TBC1D23: variants seen among roughly 807,000 people sequenced by gnomAD.
The protein encoded by TBC1D23 is TBC1 domain family member 23.
In TBC1D23, 55 loss-of-function variants were observed where a neutral mutation model predicts 91.4. The ratio of observed to expected loss-of-function variants is 0.60; its 90% confidence interval spans 0.48 to 0.75. The LOEUF (loss-of-function observed/expected upper bound fraction) is 0.75, where lower values mean the gene tolerates loss of function less well. TBC1D23 is among the 30% of genes least tolerant of loss of function. The pLI, the probability that TBC1D23 is intolerant of heterozygous loss-of-function variation, is 0.00. For synonymous variants in TBC1D23, 289 were observed against 281.0 expected (o/e 1.03, Z -0.28); for missense variants, 725 against 836.1 (o/e 0.87, Z 1.64).
intron 12 of TBC1D23, among the ~76,000 whole-genome samples, chr3:100,306,079 G>A (rs1705512104): frequency 6.6e-6 from 1 of 152,148 alleles, no homozygotes; most frequent in Admixed American, 6.5e-5. Flanking sequence ...TATAACAAAA[G>A]TCACAATCGG....
At chr3:100,289,143 G>T (rs2067768208) in intron 4 of TBC1D23, among the ~76,000 whole-genome samples, 1 of 151,742 alleles carries the variant, frequency 6.6e-6, no homozygotes, top group Non-Finnish European at 1.5e-5. Flanking sequence ...AGCCCAGGAC[G>T]CAAAGAGGTT....
chr3:100,296,285 CAGAAA>C lies in TBC1D23; in HGVS notation c.876+11_876+15del. On this transcript the variant is annotated intron_variant, in intron 8 of 18. Transcript: ENST00000394144. Reference sequence around the variant, plus strand: ...GGCTTCTTTTAGGAAGGTATAAGACCAGAAATGACCAACTATGTTGTATTTCATAT... The same window carrying C: ...GGCTTCTTTTAGGAAGGTATAAGACCTGACCAACTATGTTGTATTTCATAT... 1 of 1,400,008 alleles carries C rather than the reference CAGAAA, an allele frequency of 7.1e-7. No homozygotes were observed. Among genetic ancestry groups the C allele is most frequent in the Non-Finnish European group, 1.0e-6 (1 of 1,002,596 alleles). The allele number at this position is 1,400,008 out of a possible 1,614,324, so 86.7% of individuals were successfully genotyped here.
rs1009242634 is a variant in TBC1D23, at chr3:100,267,112, A to G, written c.53+6041A>G. 7 of 316,216 alleles carry G rather than the reference A, an allele frequency of 2.2e-5. No homozygotes were observed. The Admixed American group carries it at 3.0e-4, about 14-fold the overall frequency. The allele number at this position is 316,216 out of a possible 1,614,324, so 19.6% of individuals were successfully genotyped here. The stretch of plus-strand genomic sequence containing the variant: ...ATTTTATCTCTAGGAATACTGTGTG[A>G]AAATAGCTTCTGAAGATATCTAAAT... On this transcript the variant is annotated intron_variant, in intron 1 of 18. Coordinates refer to ENST00000394144, the MANE Select transcript of TBC1D23 (RefSeq NM_001199198.3).
chr3:100,315,800 G>A (rs58283662), intron 15 of TBC1D23: 4 of 344,868 alleles, frequency 1.2e-5, no homozygotes, highest in African/African-American at 4.1e-5. Context: ...CTTCCGCAAG[G>A]CCAAACAGAT....
intron 4 of TBC1D23, among the ~76,000 whole-genome samples, chr3:100,286,921 T>C (rs996652659): frequency 6.6e-6 from 1 of 152,084 alleles, no homozygotes; most frequent in Non-Finnish European, 1.5e-5. Context: ...ATTCAAGCGA[T>C]TCTCCTGCTT....
At chr3:100,272,002 A>G (rs2067603650) in intron 1 of TBC1D23, among the ~76,000 whole-genome samples, 1 of 152,210 alleles carries the variant, frequency 6.6e-6, no homozygotes, top group Non-Finnish European at 1.5e-5. Flanking sequence ...TAACGAATCC[A>G]TGCCACCCTT....
At chr3:100,317,066 A>G (rs1244710554) in intron 16 of TBC1D23, among the ~76,000 whole-genome samples, 6 of 150,376 alleles carry the variant, frequency 4.0e-5, no homozygotes, top group Non-Finnish European at 8.9e-5. Context: ...TAGGTGACAC[A>G]GCAAGACTCT....
chr3:100,318,661 T>TC (rs1705797682), intron 16 of TBC1D23, among the ~76,000 whole-genome samples: 1 of 151,288 alleles, frequency 6.6e-6, no homozygotes, highest in African/African-American at 2.4e-5. Flanking sequence ...TTTTTTTTTT[T>TC]CTTTTTTTTG....
intron 1 of TBC1D23, among the ~76,000 whole-genome samples, chr3:100,274,070 G>C (rs774723411): frequency 3.3e-5 from 5 of 151,926 alleles, no homozygotes; most frequent in Admixed American, 6.6e-5. Flanking sequence ...ATGGAATTGT[G>C]GTTGGTTTTT....
At chr3:100,308,352 G>C (rs1213862376) in intron 13 of TBC1D23, among the ~76,000 whole-genome samples, 1 of 152,082 alleles carries the variant, frequency 6.6e-6, no homozygotes, top group Non-Finnish European at 1.5e-5. Context: ...GCAGGCGCCT[G>C]TAGTCCCAGC....
At chr3:100,281,517 T>G (rs897078533) in intron 2 of TBC1D23, among the ~76,000 whole-genome samples, 3 of 152,246 alleles carry the variant, frequency 2.0e-5, no homozygotes, top group Admixed American at 6.5e-5. Context: ...TTGGGTAATT[T>G]ATTGTATTCA....
intron 1 of TBC1D23, among the ~76,000 whole-genome samples, chr3:100,278,778 A>G (rs1298882287): frequency 6.6e-6 from 1 of 152,234 alleles, no homozygotes; most frequent in African/African-American, 2.4e-5. Flanking sequence ...ATACAAATGA[A>G]ATTAAATTCA....
intron 13 of TBC1D23, 52 bp downstream of exon 13, chr3:100,306,595 G>A (rs1253410360): frequency 9.3e-7 from 1 of 1,078,422 alleles, no homozygotes; most frequent in Non-Finnish European, 1.4e-6. Context: ...TCCCAGAAAA[G>A]GTGATTAACT....
intron 16 of TBC1D23, among the ~76,000 whole-genome samples, chr3:100,318,646 CTT>C (rs1221401600): frequency 1.5e-5 from 2 of 137,888 alleles, no homozygotes; most frequent in Admixed American, 7.3e-5. Context: ...TTGCGTTATT[CTT>C]TTTTTTTTTT....
chr3:100,289,961 G>A (rs1282541314), intron 4 of TBC1D23, among the ~76,000 whole-genome samples: 2 of 152,084 alleles, frequency 1.3e-5, no homozygotes, highest in Non-Finnish European at 2.9e-5. Flanking sequence ...TACATGTTTG[G>A]TGCCTTTTAC....
In TBC1D23 at chr3:100,296,231, C is replaced by T. The variant is rs2148862004; in HGVS notation, c.832C>T (p.Leu278=). 1 of 1,609,240 alleles carries T rather than the reference C, an allele frequency of 6.2e-7. No homozygotes were observed. The part of the protein sequence containing the change: ...NIEDIEDLFS[L]AQYYCSKTPA... ...AGAAGATATAGAAGACCTTTTCTCT[C>T]TGGCTCAGTATTATTGCAGCAAAAC... is the stretch of plus-strand genomic sequence containing the variant. Residue 278 remains leucine, a synonymous_variant, in exon 8 of 19, where the codon CTG becomes TTG. Coordinates refer to ENST00000394144, the MANE Select transcript of TBC1D23 (RefSeq NM_001199198.3).
chr3:100,302,846 C>A (rs1387704660), intron 11 of TBC1D23, among the ~76,000 whole-genome samples: 1 of 152,116 alleles, frequency 6.6e-6, no homozygotes. Flanking sequence ...CCTCGGCCTC[C>A]TAGAGTGCTG....
intron 16 of TBC1D23, among the ~76,000 whole-genome samples, chr3:100,318,731 A>G (rs952488190): frequency 1.3e-5 from 2 of 150,694 alleles, no homozygotes; most frequent in Non-Finnish European, 3.0e-5. Context: ...GCTCACTGCA[A>G]CCTCCACCTC....
At chr3:100,263,474 A>G (rs771255784) in intron 1 of TBC1D23, among the ~76,000 whole-genome samples, 37 of 152,384 alleles carry the variant, frequency 2.4e-4, no homozygotes, top group Non-Finnish European at 4.6e-4. Flanking sequence ...AAGCAAGGGC[A>G]TAGACAAGAC....
Sources: allele counts gnomAD v4.1 joint callset (sites outside exome capture counted in the v4.1 genomes callset), GRCh38; gene constraint gnomAD v4.1.1; transcripts MANE v1.5; gene names NCBI Gene and HGNC (gene_info 2026-07-23, HGNC 2026-07-21).